LDLRAD4: variants seen among roughly 807,000 people sequenced by gnomAD.
LDLRAD4 encodes the protein low-density lipoprotein receptor class A domain-containing protein 4.
In LDLRAD4, 5 loss-of-function variants were observed where a neutral mutation model predicts 17.0. The observed-to-expected ratio is 0.29, with a 90% CI of 0.15 to 0.62. The LOEUF (loss-of-function observed/expected upper bound fraction) is 0.62. Ranked by LOEUF, LDLRAD4 falls within the 20% of genes least tolerant of loss-of-function variation. The pLI is 0.84. For synonymous variants in LDLRAD4, 168 were observed against 171.8 expected (o/e 0.98, Z 0.17); for missense variants, 340 against 424.7 (o/e 0.80, Z 1.75).
At chr18:13,412,629 G>A (rs1014290490) in intron 2 of LDLRAD4, among the ~76,000 whole-genome samples, 3 of 152,176 alleles carry the variant, frequency 2.0e-5, no homozygotes, top group Non-Finnish European at 4.4e-5. Flanking sequence ...CTCCACTCCA[G>A]CAGGGCAGGT....
chr18:13,274,359 A>G (rs2044734277), upstream of LDLRAD4, among the ~76,000 whole-genome samples: 1 of 152,208 alleles, frequency 6.6e-6, no homozygotes, highest in Non-Finnish European at 1.5e-5. Context: ...TGACCCCTCC[A>G]GTTCCCTGCT....
chr18:13,356,952 C>A (rs552542028), intron 1 of LDLRAD4, among the ~76,000 whole-genome samples: 2 of 152,114 alleles, frequency 1.3e-5, no homozygotes, highest in Non-Finnish European at 2.9e-5. Flanking sequence ...TGGCCAACAT[C>A]GTGAAATCTT....
intron 4 of LDLRAD4, among the ~76,000 whole-genome samples, chr18:13,626,018 G>A (rs2041138428): frequency 6.6e-6 from 1 of 151,678 alleles, no homozygotes; most frequent in East Asian, 1.9e-4. Flanking sequence ...GTCCCAGGGG[G>A]GCCCAAGGAA....
At chr18:13,611,461 T>C in intron 3 of LDLRAD4, 2 of 985,348 alleles carry the variant, frequency 2.0e-6, no homozygotes, top group South Asian at 4.7e-5. Flanking sequence ...CTGAATTTTC[T>C]TCACACAGCC....
At chr18:13,391,884 C>G (rs914253231) in intron 2 of LDLRAD4, among the ~76,000 whole-genome samples, 1 of 152,176 alleles carries the variant, frequency 6.6e-6, no homozygotes, top group Non-Finnish European at 1.5e-5. Flanking sequence ...TAAATTGCTG[C>G]ATAATATTTT....
rs1274802560 is a variant in LDLRAD4, at chr18:13,300,178, AGCCGTGGTTCCAGG to A, written c.-383+21994_-383+22007del. Among the ~76,000 whole-genome samples, 1 of 151,986 alleles carries A rather than the reference AGCCGTGGTTCCAGG, an allele frequency of 6.6e-6. No homozygotes were observed. Among genetic ancestry groups the A allele is most frequent in the Non-Finnish European group, 1.5e-5 (1 of 67,990 alleles). On this transcript the variant is annotated intron_variant, in intron 1 of 5. Transcript: ENST00000359446. The surrounding 1 kb of genome is among the most constrained non-coding windows in gnomAD (Gnocchi z 4.2). The stretch of plus-strand genomic sequence containing the variant: ...TTCCGGTTCCTGCTTGTCTCTGGAG[AGCCGTGGTTCCAGG>A]GCCAGCAGGTGCCTCCTTACAGTTG...
intron 1 of LDLRAD4, among the ~76,000 whole-genome samples, chr18:13,302,185 G>A (rs1190366993): frequency 6.6e-6 from 1 of 152,236 alleles, no homozygotes; most frequent in Non-Finnish European, 1.5e-5. Context: ...ATTCACTGCT[G>A]TCGCCGGCTG....
chr18:13,519,364 C>T (rs1242170015), intron 3 of LDLRAD4, among the ~76,000 whole-genome samples: 2 of 152,068 alleles, frequency 1.3e-5, no homozygotes, highest in African/African-American at 4.8e-5. Flanking sequence ...AGCCGGGGAG[C>T]TGGGGTCAGC....
Position 13,300,049 on chromosome 18 carries a change from CAG to C in LDLRAD4, c.-383+21865_-383+21866del, listed in dbSNP as rs2046499927. Among the ~76,000 whole-genome samples the C allele has an allele frequency of 6.6e-6, 1 of 152,174 alleles. No individual in the cohort carries two copies. The highest frequency in any genetic ancestry group is 1.5e-5 in the Non-Finnish European group (1 of 68,038). On this transcript the variant is annotated intron_variant, in intron 1 of 5. Coordinates refer to ENST00000359446, the Ensembl canonical transcript of LDLRAD4. The surrounding 1 kb of genome is among the most constrained non-coding windows in gnomAD (Gnocchi z 4.2). ...CTCAGTTGCTGGCTTTGTGTGAACA[CAG>C]AGACAATGTGTTTGATTTGGGAACA...
intron 3 of LDLRAD4, among the ~76,000 whole-genome samples, chr18:13,523,658 T>C (rs1442091594): frequency 6.6e-6 from 1 of 152,206 alleles, no homozygotes; most frequent in Non-Finnish European, 1.5e-5. Flanking sequence ...ATTTCCTTGC[T>C]GTGTACCATG....
intron 3 of LDLRAD4, among the ~76,000 whole-genome samples, chr18:13,448,741 A>C (rs1408166679): frequency 5.3e-5 from 8 of 152,082 alleles, no homozygotes; most frequent in African/African-American, 1.7e-4. Context: ...GATGGCCGCT[A>C]ATCACGTCTT....
intron 3 of LDLRAD4, among the ~76,000 whole-genome samples, chr18:13,587,755 A>G (rs1238181793): frequency 2.6e-5 from 4 of 152,166 alleles, no homozygotes; most frequent in Admixed American, 2.6e-4. Flanking sequence ...ACTGTTGTTT[A>G]TGATTGAGCC....
At chr18:13,304,809 T>TG (rs954659772) in intron 1 of LDLRAD4, among the ~76,000 whole-genome samples, 4 of 152,164 alleles carry the variant, frequency 2.6e-5, no homozygotes, top group African/African-American at 9.6e-5. Context: ...GGTCCTGCTG[T>TG]GGGGGTGTAG....
Position 13,284,831 on chromosome 18 carries a change from G to T in LDLRAD4, c.-383+6643G>T, listed in dbSNP as rs149115095. 6.3e-3 allele frequency among the ~76,000 whole-genome samples: 959 copies of T among 152,332 alleles called. 14 individuals carry two copies. The highest frequency in any genetic ancestry group is 0.022 in the African/African-American group (932 of 41,582). Reference sequence around the variant, plus strand: ...GTGAAACACGCTTTGCCAAGGTCAGGTTCCTGAGATGACTCGCCCGTGGCA... The same window carrying T: ...GTGAAACACGCTTTGCCAAGGTCAGTTTCCTGAGATGACTCGCCCGTGGCA... On this transcript the variant is annotated intron_variant, in intron 1 of 5. Transcript: ENST00000359446.
chr18:13,397,801 A>G (rs978950198), intron 2 of LDLRAD4, among the ~76,000 whole-genome samples: 1 of 152,168 alleles, frequency 6.6e-6, no homozygotes, highest in Non-Finnish European at 1.5e-5. Context: ...CTGGTCTATC[A>G]TCTACACTCA....
At chr18:13,640,116 C>G (rs1035335502) in intron 4 of LDLRAD4, among the ~76,000 whole-genome samples, 1 of 151,938 alleles carries the variant, frequency 6.6e-6, no homozygotes, top group African/African-American at 2.4e-5. Flanking sequence ...GAAACCGCGT[C>G]TCTACTAACA....
intron 3 of LDLRAD4, among the ~76,000 whole-genome samples, chr18:13,562,299 GACTGGCC>G (rs2094549996): frequency 6.6e-6 from 1 of 152,222 alleles, no homozygotes; most frequent in Non-Finnish European, 1.5e-5. Context: ...CGGTGACCCA[GACTGGCC>G]ACCTTGAGGC....
At chr18:13,474,195 C>T (rs78524475) in intron 3 of LDLRAD4, among the ~76,000 whole-genome samples, 21,775 of 152,128 alleles carry the variant, frequency 0.14, 1,689 homozygotes, top group Non-Finnish European at 0.18. Context: ...TGTACAGGCC[C>T]CTGCAGAACT....
chr18:13,485,443 C>T (rs2093199469), intron 3 of LDLRAD4, among the ~76,000 whole-genome samples: 1 of 152,218 alleles, frequency 6.6e-6, no homozygotes, highest in African/African-American at 2.4e-5. Flanking sequence ...CATGATGACC[C>T]TGTCTGCTCT....
Sources: allele counts gnomAD v4.1 joint callset (sites outside exome capture counted in the v4.1 genomes callset), GRCh38; gene constraint gnomAD v4.1.1; non-coding constraint Gnocchi (gnomAD v3.1); transcripts MANE v1.5; gene names NCBI Gene and HGNC (gene_info 2026-07-23, HGNC 2026-07-21).